The following DLGAP2 variants were observed in gnomAD, a reference collection of about 807,000 sequenced individuals.
DLGAP2 encodes the protein disks large-associated protein 2.
In DLGAP2, 26 loss-of-function variants were observed where a neutral mutation model predicts 100.3. That is an observed-to-expected ratio of 0.26 (90% CI 0.19 to 0.36). DLGAP2 has a LOEUF of 0.36. Ranked by LOEUF, DLGAP2 falls within the 10% of genes least tolerant of loss-of-function variation. The pLI is 1.00. For missense variants in DLGAP2, 1,858 were observed against 1,453.2 expected, an observed-to-expected ratio of 1.28 and a Z score of -4.53; for synonymous variants, 886 against 630.1, an observed-to-expected ratio of 1.41 and a Z score of -6.08.
intron 2 of DLGAP2, among the ~76,000 whole-genome samples, chr8:1,249,939 GGC>G (rs201017080): frequency 2.0e-5 from 3 of 152,060 alleles, no homozygotes; most frequent in Non-Finnish European, 4.4e-5. Flanking sequence ...GGAGTGCAGT[GGC>G]GTGATCTCAG....
intron 2 of DLGAP2, among the ~76,000 whole-genome samples, chr8:1,213,055 A>G (rs1423489900): frequency 6.6e-6 from 1 of 152,148 alleles, no homozygotes; most frequent in Non-Finnish European, 1.5e-5. Flanking sequence ...GGGAGGCCAC[A>G]GAACGGTGAG....
At chr8:1,356,966 T>C (rs2129640748) in intron 3 of DLGAP2, among the ~76,000 whole-genome samples, 1 of 152,334 alleles carries the variant, frequency 6.6e-6, no homozygotes, top group East Asian at 1.9e-4. Context: ...CTGCGAGGGC[T>C]GAGGCTGTGC....
At chr8:1,646,167 T>A (rs1247607643) in intron 8 of DLGAP2, among the ~76,000 whole-genome samples, 1 of 152,112 alleles carries the variant, frequency 6.6e-6, no homozygotes, top group Non-Finnish European at 1.5e-5. Flanking sequence ...TTCCCCAGTG[T>A]GGGTGGGCCA....
chr8:854,657 G>T (rs746458935), intron 1 of DLGAP2, among the ~76,000 whole-genome samples: 1 of 151,696 alleles, frequency 6.6e-6, no homozygotes, highest in African/African-American at 2.4e-5. Context: ...ATGTGTCTGT[G>T]TGTGTTCACA....
intron 2 of DLGAP2, among the ~76,000 whole-genome samples, chr8:974,352 A>T (rs189747824): frequency 9.8e-4 from 150 of 152,352 alleles, no homozygotes; most frequent in African/African-American, 3.1e-3. Flanking sequence ...GCAGGAAAAA[A>T]GTTGATTCAA....
chr8:1,622,850 C>T lies in DLGAP2; in HGVS notation c.1443-3890C>T, dbSNP rs116913161. On this transcript the variant is annotated intron_variant, in intron 6 of 14. Coordinates refer to ENST00000637795, the MANE Select transcript of DLGAP2 (RefSeq NM_001346810.2). ...GCTGAAAGTCAACTTCAAAATGCCC[C>T]GGGATGTAGGAGGGGGATTTTCAGG... 3.0e-4 allele frequency among the ~76,000 whole-genome samples: 45 copies of T among 152,198 alleles called. No homozygotes were observed. The East Asian group carries it at 8.7e-3, about 29-fold the overall frequency.
chr8:1,428,857 C>G (rs1367501192), intron 3 of DLGAP2, among the ~76,000 whole-genome samples: 1 of 152,220 alleles, frequency 6.6e-6, no homozygotes, highest in Non-Finnish European at 1.5e-5. Flanking sequence ...TCCAGCTGCT[C>G]ACTCACCAGC....
At chr8:1,648,434 G>A (rs894269811) in intron 8 of DLGAP2, among the ~76,000 whole-genome samples, 4 of 151,950 alleles carry the variant, frequency 2.6e-5, no homozygotes, top group African/African-American at 7.3e-5. Flanking sequence ...CCCCTCCTGC[G>A]TGGTGTACTG....
At chr8:1,046,137 C>T (rs551331109) in intron 2 of DLGAP2, among the ~76,000 whole-genome samples, 1 of 152,198 alleles carries the variant, frequency 6.6e-6, no homozygotes, top group South Asian at 2.1e-4. Context: ...AGAATAAAGT[C>T]AGGCAGTTAT....
chr8:851,981 A>G (rs1388793969), intron 1 of DLGAP2, among the ~76,000 whole-genome samples: 1 of 152,192 alleles, frequency 6.6e-6, no homozygotes, highest in African/African-American at 2.4e-5. Flanking sequence ...CAGGGCACTC[A>G]GCTAGTGGGC....
intron 6 of DLGAP2, among the ~76,000 whole-genome samples, chr8:1,613,269 A>T (rs993850293): frequency 6.8e-6 from 1 of 146,160 alleles, no homozygotes; most frequent in Non-Finnish European, 1.5e-5. Context: ...GGAAATCATC[A>T]TTCTCAGTAA....
intron 6 of DLGAP2, among the ~76,000 whole-genome samples, chr8:1,618,664 C>T (rs959311473): frequency 2.0e-5 from 3 of 152,164 alleles, no homozygotes; most frequent in Non-Finnish European, 2.9e-5. Context: ...TAAATCTAAT[C>T]GGGACAGTGT....
At chr8:1,376,324 A>G (rs562745770) in intron 3 of DLGAP2, among the ~76,000 whole-genome samples, 5 of 152,328 alleles carry the variant, frequency 3.3e-5, no homozygotes, top group African/African-American at 1.2e-4. Flanking sequence ...TCACTCCATC[A>G]GCCAGCTCCT....
chr8:1,596,634 CT>C (rs113244556), intron 6 of DLGAP2, among the ~76,000 whole-genome samples: 1 of 152,146 alleles, frequency 6.6e-6, no homozygotes, highest in African/African-American at 2.4e-5. Flanking sequence ...TGATGATGAG[CT>C]TTTTTTCATA....
At chr8:1,622,273 T>C (rs1477447057) in intron 6 of DLGAP2, 1 of 152,248 alleles carries the variant, frequency 6.6e-6, no homozygotes, top group Non-Finnish European at 1.5e-5. Flanking sequence ...AGATGATCTC[T>C]GTATTTCAAA....
chr8:1,588,040 G>C lies in DLGAP2; in HGVS notation c.1442+22146G>C, dbSNP rs542392147. Among the ~76,000 whole-genome samples the C allele has an allele frequency of 1.4e-4, 21 of 152,230 alleles. No individual in the cohort carries two copies. In the South Asian group the frequency reaches 4.4e-3, roughly 32 times the overall value. On this transcript the variant is annotated intron_variant, in intron 6 of 14. Transcript: ENST00000637795. ...TGAGTTCATCACGTGACTCCTAATA[G>C]AGTTCTGGTAGCACAATAGAAAAAT... is the stretch of plus-strand genomic sequence containing the variant.
chr8:1,495,118 C>G (rs987898841), intron 3 of DLGAP2, among the ~76,000 whole-genome samples: 2 of 152,230 alleles, frequency 1.3e-5, no homozygotes, highest in African/African-American at 4.8e-5. Context: ...CCTCCCTTCC[C>G]TGCCAAGATC....
At chr8:1,414,010 G>C (rs1027664163) in intron 3 of DLGAP2, among the ~76,000 whole-genome samples, 2 of 152,182 alleles carry the variant, frequency 1.3e-5, no homozygotes, top group East Asian at 1.9e-4. Flanking sequence ...AAAAAGTGCA[G>C]CTCAGGGCAC....
At chr8:1,516,839 T>C (rs1028675691) in intron 4 of DLGAP2, among the ~76,000 whole-genome samples, 3 of 152,232 alleles carry the variant, frequency 2.0e-5, no homozygotes, top group Admixed American at 2.0e-4. Context: ...CTTGTGCCTT[T>C]TTTTGTGCTG....
Sources: gnomAD v4.1 joint callset for allele counts (sites outside exome capture counted in the v4.1 genomes callset) on GRCh38, gnomAD v4.1.1 for gene constraint, MANE v1.5 for transcripts, NCBI Gene and HGNC (gene_info 2026-07-23, HGNC 2026-07-21) for gene names.